ST7: variants seen among roughly 807,000 people sequenced by gnomAD.
ST7 encodes suppression of tumorigenicity 7.
ST7 carries 28 observed loss-of-function variants against 78.7 expected under a neutral mutation model. That is an observed-to-expected ratio of 0.36 (90% confidence interval 0.26 to 0.49). The LOEUF (loss-of-function observed/expected upper bound fraction) is 0.49, where lower values mean the gene tolerates loss of function less well. ST7 is among the 20% of genes least tolerant of loss of function. The pLI is 0.99. For missense variants in ST7, 418 were observed against 696.0 expected, an observed-to-expected ratio of 0.60 and a Z score of 4.49; for synonymous variants, 247 against 249.6, an observed-to-expected ratio of 0.99 and a Z score of 0.10.
Position 117,219,070 on chromosome 7 carries a change from T to G in ST7, c.1406-14T>G. 1 of 1,601,830 alleles carries G rather than the reference T, an allele frequency of 6.2e-7. No individual in the cohort carries two copies. The highest frequency in any genetic ancestry group is 8.5e-7 in the Non-Finnish European group (1 of 1,174,878). On this transcript the variant is annotated splice_polypyrimidine_tract_variant and intron_variant, in intron 13 of 15. Transcript: ENST00000323984. The surrounding 1 kb of genome is among the most constrained non-coding windows in gnomAD (Gnocchi z 5.1). Reference sequence around the variant, plus strand: ...AACATTGGACATCTCTGACATATTTTTTCTCGTTTTCAGCTTTTCGGATGA... The same window carrying G: ...AACATTGGACATCTCTGACATATTTGTTCTCGTTTTCAGCTTTTCGGATGA...
chr7:116,972,985 C>A, intron 1 of ST7: 1 of 779,574 alleles, frequency 1.3e-6, no homozygotes, highest in Non-Finnish European at 2.2e-6. Flanking sequence ...CTCTCCCTCA[C>A]CCATTTGTTT....
chr7:117,068,147 G>A (rs759212259), intron 1 of ST7, among the ~76,000 whole-genome samples: 1 of 152,130 alleles, frequency 6.6e-6, no homozygotes, highest in African/African-American at 2.4e-5. Context: ...AGGGTTCACA[G>A]TTTAGGATGC....
intron 1 of ST7, among the ~76,000 whole-genome samples, chr7:116,960,598 A>G (rs868833128): frequency 2.0e-5 from 3 of 152,176 alleles, no homozygotes; most frequent in African/African-American, 7.2e-5. Flanking sequence ...TTCTTGTACT[A>G]CTGTGTCATT....
intron 1 of ST7, among the ~76,000 whole-genome samples, chr7:117,062,015 G>T (rs554092489): frequency 6.6e-6 from 1 of 152,188 alleles, no homozygotes; most frequent in Non-Finnish European, 1.5e-5. Context: ...GGAAGTTCAA[G>T]ATCAAGATGC....
chr7:117,126,103 C>T (rs192259022), intron 3 of ST7, among the ~76,000 whole-genome samples: 119 of 152,046 alleles, frequency 7.8e-4, no homozygotes, highest in Non-Finnish European at 1.1e-3. Context: ...ATAGCAACAA[C>T]AAAAGTTGCT....
At position 117,016,004 on chromosome 7, in the gene ST7, A is replaced by C. The variant is rs1345990987; in HGVS notation, c.151+62313A>C. Among the ~76,000 whole-genome samples, 3 of 152,308 alleles carry C rather than the reference A, an allele frequency of 2.0e-5. No individual in the cohort carries two copies. The East Asian group carries it at 5.8e-4, about 29-fold the overall frequency. On this transcript the variant is annotated intron_variant, in intron 1 of 15. Transcript: ENST00000323984. ...GCAAGACAGTTAATTACAGTGTGCAAATAAAAGTTTTGTGAAATTGCTCAT... is the reference window on the plus strand; with the variant it reads ...GCAAGACAGTTAATTACAGTGTGCACATAAAAGTTTTGTGAAATTGCTCAT...
chr7:116,986,778 T>G (rs571172871), intron 1 of ST7, among the ~76,000 whole-genome samples: 1 of 152,134 alleles, frequency 6.6e-6, no homozygotes, highest in East Asian at 1.9e-4. Context: ...GAGAGAGAGA[T>G]TTCAGATAGG....
intron 1 of ST7, among the ~76,000 whole-genome samples, chr7:116,994,287 C>T (rs1320332126): frequency 6.6e-6 from 1 of 152,122 alleles, no homozygotes; most frequent in African/African-American, 2.4e-5. Flanking sequence ...ACTTATTTCA[C>T]TTAATATAAT....
intron 14 of ST7, 31 bp from the exon 15 acceptor site, chr7:117,221,892 C>A (rs1584637470): frequency 6.3e-7 from 1 of 1,588,964 alleles, no homozygotes; most frequent in Non-Finnish European, 8.6e-7. Flanking sequence ...TTACTCCAGC[C>A]CTGATATTTC....
intron 12 of ST7, among the ~76,000 whole-genome samples, chr7:117,202,920 C>G (rs1264753609): frequency 6.6e-6 from 1 of 152,142 alleles, no homozygotes; most frequent in Middle Eastern, 3.2e-3. Context: ...CTCACATATA[C>G]CAAAATCTGC....
intron 1 of ST7, among the ~76,000 whole-genome samples, chr7:116,965,582 A>AT (rs1793069801): frequency 6.6e-6 from 1 of 152,148 alleles, no homozygotes; most frequent in Non-Finnish European, 1.5e-5. Flanking sequence ...TATAATAAAA[A>AT]TTTTTTTAAA....
chr7:117,170,899 T>C lies in ST7; in HGVS notation c.1001T>C (p.Ile334Thr). The change falls in exon 10 of 16, where the codon ATC (isoleucine) becomes ACC (threonine). Residue 334 changes from isoleucine to threonine, a missense_variant. Ile to Thr is a moderately conservative substitution (Grantham distance 89). Transcript: ENST00000323984. ...KEFPLLSMFNIHENLLEALLE... is the reference protein window; with the variant it reads ...KEFPLLSMFNTHENLLEALLE... Reference sequence around the variant, plus strand: ...TTCCCCCTTCTGAGTATGTTCAATATCCATGAAAACCTTTTAGAAGCCCTT... The same window carrying C: ...TTCCCCCTTCTGAGTATGTTCAATACCCATGAAAACCTTTTAGAAGCCCTT... 1 of 1,611,950 alleles carries C rather than the reference T, an allele frequency of 6.2e-7. No homozygotes were observed. Among genetic ancestry groups the C allele is most frequent in the Non-Finnish European group, 8.5e-7 (1 of 1,178,760 alleles).
At chr7:117,054,756 G>A (rs1472682831) in intron 1 of ST7, among the ~76,000 whole-genome samples, 1 of 152,174 alleles carries the variant, frequency 6.6e-6, no homozygotes, top group Non-Finnish European at 1.5e-5. Context: ...AAAACAACCA[G>A]TATCTGACAG....
At chr7:117,189,960 G>A (rs1809627150) in intron 11 of ST7, among the ~76,000 whole-genome samples, 1 of 152,178 alleles carries the variant, frequency 6.6e-6, no homozygotes, top group Admixed American at 6.5e-5. Flanking sequence ...GAGCATAGAT[G>A]GCTTAACTGC....
At chr7:117,056,669 A>G (rs1798079198) in intron 1 of ST7, among the ~76,000 whole-genome samples, 1 of 152,054 alleles carries the variant, frequency 6.6e-6, no homozygotes, top group Admixed American at 6.6e-5. Context: ...AAAAAAATAA[A>G]GAAGATAAAA....
chr7:117,163,414 C>CT (rs935700147), intron 9 of ST7, among the ~76,000 whole-genome samples: 7 of 152,010 alleles, frequency 4.6e-5, no homozygotes, highest in African/African-American at 1.7e-4. Flanking sequence ...TAAGAATTGC[C>CT]TTTTTTCTGC....
chr7:117,055,227 G>A (rs73477363), intron 1 of ST7, among the ~76,000 whole-genome samples: 1 of 151,730 alleles, frequency 6.6e-6, no homozygotes, highest in Non-Finnish European at 1.5e-5. Context: ...TTTTAAGATG[G>A]AGTCTTGCCT....
chr7:117,088,093 C>T (rs547662209), intron 1 of ST7, among the ~76,000 whole-genome samples: 67 of 152,186 alleles, frequency 4.4e-4, no homozygotes, highest in Non-Finnish European at 7.9e-4. Flanking sequence ...GTGATATCTA[C>T]CTAGAGTCCA....
chr7:117,128,597 C>T (rs535294825), intron 3 of ST7, among the ~76,000 whole-genome samples: 1 of 151,820 alleles, frequency 6.6e-6, no homozygotes, highest in African/African-American at 2.4e-5. Flanking sequence ...AATGAAAACA[C>T]GTATTCCTGT....
Sources: allele counts gnomAD v4.1 joint callset (sites outside exome capture counted in the v4.1 genomes callset), GRCh38; gene constraint gnomAD v4.1.1; non-coding constraint Gnocchi (gnomAD v3.1); transcripts MANE v1.5; gene names NCBI Gene and HGNC (gene_info 2026-07-23, HGNC 2026-07-21).